The following GRIK1 variants were observed in gnomAD, a reference collection of about 807,000 sequenced individuals.
GRIK1 encodes the protein glutamate receptor ionotropic, kainate 1.
A neutral mutation model predicts 105.7 loss-of-function variants in GRIK1; 69 were observed. That is an observed-to-expected ratio of 0.65 (90% CI 0.54 to 0.80). GRIK1 has a LOEUF of 0.80. GRIK1 is among the 30% of genes least tolerant of loss of function. GRIK1 has a pLI of 0.00. For synonymous variants in GRIK1, 438 were observed against 431.3 expected, an observed-to-expected ratio of 1.02 and a Z score of -0.19; for missense variants, 1,109 against 1,167.3, an observed-to-expected ratio of 0.95 and a Z score of 0.73.
At chr21:29,765,535 T>G (rs2065638629) in intron 1 of GRIK1, among the ~76,000 whole-genome samples, 1 of 152,218 alleles carries the variant, frequency 6.6e-6, no homozygotes, top group South Asian at 2.1e-4. Flanking sequence ...TGTAAAATTC[T>G]TTTCTTTCTA....
intron 1 of GRIK1, among the ~76,000 whole-genome samples, chr21:29,759,672 G>A (rs547690093): frequency 2.0e-5 from 3 of 152,332 alleles, no homozygotes; most frequent in African/African-American, 4.8e-5. Context: ...GGAAGACAAT[G>A]TAGACACTGT....
At chr21:29,782,994 G>A (rs1241988712) in intron 1 of GRIK1, among the ~76,000 whole-genome samples, 3 of 152,138 alleles carry the variant, frequency 2.0e-5, no homozygotes, top group African/African-American at 7.2e-5. Flanking sequence ...AATTCTTGAT[G>A]TGCAGTGTCA....
intron 3 of GRIK1, among the ~76,000 whole-genome samples, chr21:29,687,962 A>G (rs1156255649): frequency 2.6e-5 from 4 of 152,366 alleles, no homozygotes; most frequent in African/African-American, 9.6e-5. Context: ...ATAATGAGCT[A>G]TAGCTTGATT....
intron 1 of GRIK1, among the ~76,000 whole-genome samples, chr21:29,834,485 C>T (rs1426280310): frequency 1.3e-5 from 2 of 151,222 alleles, no homozygotes; most frequent in East Asian, 3.9e-4. Context: ...CTTCACCCCC[C>T]ACTTTGTTCT....
At chr21:29,672,393 A>G (rs914198144) in intron 4 of GRIK1, among the ~76,000 whole-genome samples, 2 of 151,632 alleles carry the variant, frequency 1.3e-5, no homozygotes, top group Non-Finnish European at 2.9e-5. Context: ...TTTTTTTTTG[A>G]ACATTACTCA....
In GRIK1 at chr21:29,799,632, C is replaced by T. The variant is rs144259296; in HGVS notation, c.119-105569G>A. On this transcript the variant is annotated intron_variant, in intron 1 of 17. Transcript: ENST00000327783. The stretch of plus-strand genomic sequence containing the variant: ...GCAACCTCTGCCTCCTGGGTTCCAG[C>T]GATTCTCTTGCGTTAACCTCCCAGG... Among the ~76,000 whole-genome samples the T allele has an allele frequency of 1.8e-3, 274 of 152,282 alleles. 1 individual carries two copies. Among genetic ancestry groups the T allele is most frequent in the African/African-American group, 6.5e-3 (271 of 41,562 alleles).
chr21:29,833,410 G>T (rs2067696604), intron 1 of GRIK1, among the ~76,000 whole-genome samples: 1 of 152,070 alleles, frequency 6.6e-6, no homozygotes, highest in Non-Finnish European at 1.5e-5. Context: ...TCTCATTGCT[G>T]TAAAGAACCA....
At chr21:29,773,987 A>G (rs565985075) in intron 1 of GRIK1, among the ~76,000 whole-genome samples, 4 of 152,200 alleles carry the variant, frequency 2.6e-5, no homozygotes, top group Non-Finnish European at 5.9e-5. Flanking sequence ...ATATGTAGCC[A>G]GACCATATCT....
chr21:29,730,316 A>T (rs531667448), intron 1 of GRIK1, among the ~76,000 whole-genome samples: 1 of 152,332 alleles, frequency 6.6e-6, no homozygotes, highest in South Asian at 2.1e-4. Context: ...TCTGAGAGGT[A>T]GGTATTTTAG....
intron 7 of GRIK1, among the ~76,000 whole-genome samples, chr21:29,627,569 A>G (rs1293771354): frequency 6.6e-6 from 1 of 152,210 alleles, no homozygotes; most frequent in Non-Finnish European, 1.5e-5. Context: ...AGCAGGTCAC[A>G]TGATTTCACC....
intron 1 of GRIK1, among the ~76,000 whole-genome samples, chr21:29,778,274 C>T (rs1231618211): frequency 6.6e-6 from 1 of 152,124 alleles, no homozygotes; most frequent in Non-Finnish European, 1.5e-5. Flanking sequence ...CAAGGTGATG[C>T]TATACTGCCA....
intron 1 of GRIK1, among the ~76,000 whole-genome samples, chr21:29,844,338 C>T (rs2068059961): frequency 1.3e-5 from 2 of 152,290 alleles, no homozygotes; most frequent in South Asian, 4.1e-4. Flanking sequence ...GCACTAACAC[C>T]TGAGGGTCAA....
At chr21:29,665,442 A>G (rs577112944) in intron 4 of GRIK1, among the ~76,000 whole-genome samples, 1 of 152,364 alleles carries the variant, frequency 6.6e-6, no homozygotes, top group South Asian at 2.1e-4. Context: ...ATTATCATCA[A>G]ATTAGTATAA....
chr21:29,554,600 G>A (rs551732259), intron 16 of GRIK1, among the ~76,000 whole-genome samples: 56 of 152,130 alleles, frequency 3.7e-4, no homozygotes, highest in Non-Finnish European at 6.3e-4. Context: ...GTTCAATTTC[G>A]TAGTATGACT....
intron 1 of GRIK1, among the ~76,000 whole-genome samples, chr21:29,830,355 A>G (rs1204230855): frequency 7.3e-6 from 1 of 136,680 alleles, no homozygotes; most frequent in Non-Finnish European, 1.5e-5. Context: ...ACACACACAC[A>G]CACACACTCA....
intron 15 of GRIK1, among the ~76,000 whole-genome samples, 177 bp downstream of exon 15, chr21:29,561,447 C>G (rs1233673119): frequency 6.6e-6 from 1 of 152,184 alleles, no homozygotes; most frequent in Non-Finnish European, 1.5e-5. Flanking sequence ...AGTTAAATAT[C>G]TGGGAATCTG....
intron 7 of GRIK1, among the ~76,000 whole-genome samples, chr21:29,607,175 G>A (rs2061640208): frequency 6.6e-6 from 1 of 152,138 alleles, no homozygotes; most frequent in South Asian, 2.1e-4. Context: ...TGATCTATCA[G>A]CTAGATGCAG....
intron 1 of GRIK1, among the ~76,000 whole-genome samples, chr21:29,896,938 C>G (rs1252868734): frequency 1.3e-5 from 2 of 152,150 alleles, no homozygotes; most frequent in East Asian, 3.8e-4. Flanking sequence ...CACTTTGTAG[C>G]TCTTGCAGCC....
In GRIK1 at chr21:29,792,841, T is replaced by C. The variant is rs8127079; in HGVS notation, c.119-98778A>G. ...CCTCATTAGCAGCTCTTACCAAATG[T>C]AAATGTATAGCACGAAGAGTAATTG... On this transcript the variant is annotated intron_variant, in intron 1 of 17. Transcript: ENST00000327783. 3.2e-3 allele frequency among the ~76,000 whole-genome samples: 489 copies of C among 152,306 alleles called. 3 individuals are homozygous for C. Among genetic ancestry groups the C allele is most frequent in the African/African-American group, 0.011 (476 of 41,568 alleles).
Sources: allele counts gnomAD v4.1 joint callset (sites outside exome capture counted in the v4.1 genomes callset), GRCh38; gene constraint gnomAD v4.1.1; transcripts MANE v1.5; gene names NCBI Gene and HGNC (gene_info 2026-07-23, HGNC 2026-07-21).